The following CD207 variants were observed in gnomAD, a reference collection of about 807,000 sequenced individuals.
CD207 encodes C-type lectin domain family 4 member K.
Under a neutral mutation model 31.6 loss-of-function variants are expected in CD207, and 28 were observed. The observed-to-expected ratio is 0.89, with a 90% CI of 0.66 to 1.21. The LOEUF (loss-of-function observed/expected upper bound fraction) is 1.21. CD207 is among the 50% of genes most tolerant of loss of function. CD207 has a pLI of 0.00. For missense variants in CD207, 388 were observed against 397.8 expected (o/e 0.98, Z 0.21); for synonymous variants, 168 against 153.9 (o/e 1.09, Z -0.68).
chr2:70,832,803 A>G, intron 4 of CD207, 97 bp downstream of exon 4: 1 of 1,201,542 alleles, frequency 8.3e-7, no homozygotes, highest in Non-Finnish European at 1.2e-6. Flanking sequence ...GGTCATCAAT[A>G]TTTGGGGATT....
At chr2:70,827,044 A>G (rs1014712111), downstream of CD207, among the ~76,000 whole-genome samples, 1 of 151,848 alleles carries the variant, frequency 6.6e-6, no homozygotes, top group South Asian at 2.1e-4. Flanking sequence ...ACCTCACACC[A>G]CACTCCAGCT....
chr2:70,831,239 A>C lies in CD207; in HGVS notation c.837-39T>G, dbSNP rs188073536. The C allele has an allele frequency of 2.5e-5, 39 of 1,577,824 alleles. No individual in the cohort carries two copies. In the East Asian group the frequency reaches 8.8e-4, roughly 35 times the overall value. Reference sequence around the variant, plus strand: ...GGAAAAAGATGGATTTACAAAGTGGAAAATCAAAAAGAACTTATTTCCAGT... The same window carrying C: ...GGAAAAAGATGGATTTACAAAGTGGCAAATCAAAAAGAACTTATTTCCAGT... On this transcript the variant is annotated intron_variant, in intron 5 of 5. Coordinates refer to ENST00000410009, the MANE Select transcript of CD207 (RefSeq NM_015717.5).
At position 70,834,014 on chromosome 2, in the gene CD207, CG is replaced by C; in HGVS notation, c.196del (p.Arg66GlyfsTer9). On this transcript the variant is annotated frameshift_variant, in exon 3 of 6. Transcript: ENST00000410009. LOFTEE classifies it high-confidence loss of function. ...SVLLQAVLYPRFMGTISDVKT... is the reference protein window; with the variant it reads ...SVLLQAVLYPXFMGTISDVKT... ...TACATCTGATATGGTGCCCATAAACCGGGGATCTGGGATTGAGAAAGTCAGG... is the reference window on the plus strand; with the variant it reads ...TACATCTGATATGGTGCCCATAAACCGGGATCTGGGATTGAGAAAGTCAGG... 1 of 1,504,410 alleles carries C rather than the reference CG, an allele frequency of 6.6e-7. No homozygotes were observed. The allele number at this position is 1,504,410 out of a possible 1,614,324, so 93.2% of individuals were successfully genotyped here. A position where few individuals can be genotyped will look rare whatever the true frequency, so the allele number is the denominator to read the frequency against.
At chr2:70,835,415 A>T in intron 2 of CD207, 76 bp downstream of exon 2, 1 of 958,156 alleles carries the variant, frequency 1.0e-6, no homozygotes, top group Non-Finnish European at 1.7e-6. Context: ...GAGAGCAGGG[A>T]AGTGGTCTCG....
In CD207 at chr2:70,830,928, G is replaced by A; in HGVS notation, c.*122C>T. The A allele has an allele frequency of 1.1e-6, 1 of 917,732 alleles. No individual in the cohort carries two copies. Among genetic ancestry groups the A allele is most frequent in the Non-Finnish European group, 1.6e-6 (1 of 624,250 alleles). 56.8% of individuals were successfully genotyped at this position (917,732 alleles called of 1,614,324 possible). Reference sequence around the variant, plus strand: ...GACGGACTCCAGAATGCCACTGTGGGACAATTTTGAAGCAAGAAAAATTAA... The same window carrying A: ...GACGGACTCCAGAATGCCACTGTGGAACAATTTTGAAGCAAGAAAAATTAA... On this transcript the variant is annotated 3_prime_UTR_variant, in exon 6 of 6. Transcript: ENST00000410009.
In CD207 at chr2:70,830,794, G is replaced by C. The variant is rs1553399551; in HGVS notation, c.*256C>G. On this transcript the variant is annotated 3_prime_UTR_variant, in exon 6 of 6. Transcript: ENST00000410009. ...TTACGGGTCTTGATCCTCCTTAGCA[G>C]GGCAATTGGAACTTCTAAATCCTCT... 1.2e-5 allele frequency: 5 copies of C among 416,796 alleles called. No homozygotes were observed. Among genetic ancestry groups the C allele is most frequent in the Non-Finnish European group, 4.3e-6 (1 of 231,206 alleles). The allele number at this position is 416,796 out of a possible 1,614,324, so 25.8% of individuals were successfully genotyped here.
rs1553399630 is a variant in CD207, at chr2:70,831,034, T to C, written c.*16A>G. ...AAGCGTTGGAGCTCAAAGAGTGAGCTTGGGAGCCTGTCCTGTCACGGTTCT... is the reference window on the plus strand; with the variant it reads ...AAGCGTTGGAGCTCAAAGAGTGAGCCTGGGAGCCTGTCCTGTCACGGTTCT... On this transcript the variant is annotated 3_prime_UTR_variant, in exon 6 of 6. Transcript: ENST00000410009. 3 of 1,609,832 alleles carry C rather than the reference T, an allele frequency of 1.9e-6. No homozygotes were observed.
chr2:70,833,318 C>T (rs946277482), intron 3 of CD207, among the ~76,000 whole-genome samples: 8 of 152,154 alleles, frequency 5.3e-5, no homozygotes, highest in Admixed American at 1.3e-4. Context: ...AACCCTCCAT[C>T]GGCCATGACA....
At chr2:70,833,159 TG>T in intron 3 of CD207, 108 bp from the exon 4 acceptor site, 5 of 1,014,978 alleles carry the variant, frequency 4.9e-6, no homozygotes, top group Non-Finnish European at 7.5e-6. Context: ...AATGGAGCTG[TG>T]CGCTGGTGTC....
Position 70,833,022 on chromosome 2 carries a change from A to C in CD207, c.595T>G (p.Trp199Gly). ...NDILQVVSQGWKYFKGNFYYF... is the reference protein window; with the variant it reads ...NDILQVVSQGGKYFKGNFYYF... Reference sequence around the variant, plus strand: ...TAGAAGTTCCCCTTGAAGTACTTCCAGCCTTGAGAAACCACCTGTAGAATA... The same window carrying C: ...TAGAAGTTCCCCTTGAAGTACTTCCCGCCTTGAGAAACCACCTGTAGAATA... The change falls in exon 4 of 6, where the codon TGG becomes GGG. Residue 199 changes from tryptophan to glycine, a missense_variant. Transcript: ENST00000410009. 1.2e-6 allele frequency: 2 copies of C among 1,614,014 alleles called. No homozygotes were observed. Among genetic ancestry groups the C allele is most frequent in the African/African-American group, 1.3e-5 (1 of 75,058 alleles).
Position 70,835,472 on chromosome 2 carries a change from A to T in CD207, c.190+19T>A. 1.3e-6 allele frequency: 2 copies of T among 1,577,466 alleles called. No individual in the cohort carries two copies. The highest frequency in any genetic ancestry group is 2.2e-5 in the South Asian group (2 of 90,178). ...CACAGAGAGGGGCTAAGCCCAGACGATGAAACATGAGGACTTACAAAGGAC... is the reference window on the plus strand; with the variant it reads ...CACAGAGAGGGGCTAAGCCCAGACGTTGAAACATGAGGACTTACAAAGGAC... On this transcript the variant is annotated intron_variant, in intron 2 of 5. Transcript: ENST00000410009.
chr2:70,831,299 C>G, intron 5 of CD207, 99 bp from the exon 6 acceptor site: 1 of 1,219,914 alleles, frequency 8.2e-7, no homozygotes, highest in Non-Finnish European at 1.2e-6. Flanking sequence ...AGCTTTTGTC[C>G]TAGGGAATGG....
At chr2:70,831,595 G>A in intron 5 of CD207, 106 bp downstream of exon 5, 1 of 772,110 alleles carries the variant, frequency 1.3e-6, no homozygotes, top group South Asian at 1.4e-5. Context: ...CTAAGACAGG[G>A]AAGAATCAGA....
At position 70,835,518 on chromosome 2, in the gene CD207, C is replaced by T. The variant is rs781983818; in HGVS notation, c.163G>A (p.Ala55Thr). The T allele has an allele frequency of 4.3e-5, 69 of 1,613,480 alleles. No homozygotes were observed. The highest frequency in any genetic ancestry group is 2.7e-4 in the African/African-American group (20 of 74,880). The stretch of plus-strand genomic sequence containing the variant: ...AGGACGGCCTGCAGCAGGACGGAGG[C>T]GACCAGGACCAGCGTCAGGCAGATT... The part of the protein sequence containing the change: ...ALICLTLVLV[A>T]SVLLQAVLYP... The change falls in exon 2 of 6, where the codon GCC becomes ACC. Residue 55 changes from alanine (A) to threonine (T), a missense_variant. Transcript: ENST00000410009.
chr2:70,834,681 G>A (rs923247593), intron 2 of CD207, among the ~76,000 whole-genome samples: 12 of 152,206 alleles, frequency 7.9e-5, no homozygotes, highest in Non-Finnish European at 1.6e-4. Context: ...TCAAAGGCGA[G>A]CCCTGAGGAA....
chr2:70,825,606 A>G (rs990307554), downstream of CD207, among the ~76,000 whole-genome samples: 3 of 152,168 alleles, frequency 2.0e-5, no homozygotes. Context: ...TGGCGTGATT[A>G]CAGCTCACTG....
chr2:70,833,942 G>T lies in CD207; in HGVS notation c.269C>A (p.Thr90Asn). The change falls in exon 3 of 6, where the codon ACC becomes AAC. Residue 90 changes from threonine (T) to asparagine (N), a missense_variant. By Grantham distance (65) the Thr-to-Asn change is moderately conservative. Coordinates refer to ENST00000410009, the MANE Select transcript of CD207 (RefSeq NM_015717.5). Reference protein sequence around the residue: ...LLKGRVDNISTLDSEIKKNSD... With the variant: ...LLKGRVDNISNLDSEIKKNSD... ...ATTCTTTTTAATTTCAGAATCCAGG[G>T]TGCTGATGTTGTCCACACGACCTTT... is the stretch of plus-strand genomic sequence containing the variant. 6.4e-7 allele frequency: 1 copy of T among 1,573,890 alleles called. No individual in the cohort carries two copies. The highest frequency in any genetic ancestry group is 8.6e-7 in the Non-Finnish European group (1 of 1,159,478).
intron 2 of CD207, among the ~76,000 whole-genome samples, chr2:70,835,195 T>C (rs1553400767): frequency 6.6e-6 from 1 of 151,820 alleles, no homozygotes; most frequent in Admixed American, 6.6e-5. Context: ...GGGGAGAAAA[T>C]AGCACAGGAT....
chr2:70,831,454 C>G (rs1677469160), intron 5 of CD207, among the ~76,000 whole-genome samples: 1 of 152,204 alleles, frequency 6.6e-6, no homozygotes, highest in Non-Finnish European at 1.5e-5. Flanking sequence ...GACCTAGACT[C>G]ATGACAAGAT....
Sources: allele counts gnomAD v4.1 joint callset (sites outside exome capture counted in the v4.1 genomes callset), GRCh38; gene constraint gnomAD v4.1.1; transcripts MANE v1.5; gene names NCBI Gene and HGNC (gene_info 2026-07-23, HGNC 2026-07-21).